Variants in KNCN observed in about 807,000 individuals in gnomAD.
KNCN encodes the protein kinocilin.
KNCN carries 11 observed loss-of-function variants against 10.4 expected under a neutral mutation model. The observed-to-expected ratio is 1.06, with a 90% confidence interval of 0.67 to 1.75. The LOEUF is 1.75. Ranked by LOEUF, KNCN falls within the 40% of genes most tolerant of loss-of-function variation. The pLI is 0.00. For synonymous variants in KNCN, 67 were observed against 71.6 expected (o/e 0.94, Z 0.33); for missense variants, 172 against 167.1 (o/e 1.03, Z -0.16).
At chr1:46,550,415 TG>T (rs1298758575) in intron 1 of KNCN, among the ~76,000 whole-genome samples, 4 of 152,196 alleles carry the variant, frequency 2.6e-5, no homozygotes, top group African/African-American at 9.6e-5. Flanking sequence ...GAGCCAGTCC[TG>T]CCTTGCCCGC....
At chr1:46,549,034 G>C (rs746328102) in intron 3 of KNCN, among the ~76,000 whole-genome samples, 159 bp downstream of exon 3, 2 of 152,024 alleles carry the variant, frequency 1.3e-5, no homozygotes, top group African/African-American at 2.4e-5. Flanking sequence ...CCAGCTGCTC[G>C]GGAGGCTGAG....
Position 46,551,162 on chromosome 1 carries a change from C to G in KNCN, c.54G>C (p.Val18=). ...RDFRGLQLAC[V]ALGLVAGSII... ...TGCTGCCAGCCACCAGCCCGAGAGCCACGCAGGCCAGCTGCAGGCCGCGGA... is the reference window on the plus strand; with the variant it reads ...TGCTGCCAGCCACCAGCCCGAGAGCGACGCAGGCCAGCTGCAGGCCGCGGA... The change falls in exon 1 of 4, where the codon GTG becomes GTC. Residue 18 remains valine, a synonymous_variant. Transcript: ENST00000481882. The surrounding 1 kb of genome is among the most constrained non-coding windows in gnomAD (Gnocchi z 4.0). 6.2e-7 allele frequency: 1 copy of G among 1,611,100 alleles called. No individual in the cohort carries two copies. The highest frequency in any genetic ancestry group is 8.5e-7 in the Non-Finnish European group (1 of 1,178,684).
intron 2 of KNCN, chr1:46,549,674 A>G (rs938253112): frequency 1.7e-6 from 1 of 587,944 alleles, no homozygotes; most frequent in Non-Finnish European, 3.0e-6. Flanking sequence ...GGCTTTGGGG[A>G]GTCATAAAAT....
Position 46,547,313 on chromosome 1 carries a change from G to A in KNCN, c.*417C>T, listed in dbSNP as rs2148507050. 2 of 452,732 alleles carry A rather than the reference G, an allele frequency of 4.4e-6. No individual in the cohort carries two copies. Among genetic ancestry groups the A allele is most frequent in the Non-Finnish European group, 4.4e-6 (1 of 226,198 alleles). 28.0% of individuals were successfully genotyped at this position (452,732 alleles called of 1,614,324 possible). Reference sequence around the variant, plus strand: ...TGGAGGGTCCCTGTCTGTGGTTCTTGTGGGCCTGTGGTTCACTTCTGTAGC... The same window carrying A: ...TGGAGGGTCCCTGTCTGTGGTTCTTATGGGCCTGTGGTTCACTTCTGTAGC... On this transcript the variant is annotated 3_prime_UTR_variant, in exon 4 of 4. Coordinates refer to ENST00000481882, the MANE Select transcript of KNCN (RefSeq NM_001322255.2).
Position 46,549,918 on chromosome 1 carries a change from C to T in KNCN, c.220+16G>A. The T allele has an allele frequency of 6.4e-7, 1 of 1,550,548 alleles. No homozygotes were observed. The highest frequency in any genetic ancestry group is 8.7e-7 in the Non-Finnish European group (1 of 1,146,972). ...CCTTGGCAGAGGGGTCTGCTGGGGT[C>T]AGGGAGAGGCCTCACCTATGGTAGG... On this transcript the variant is annotated intron_variant, in intron 2 of 3. Coordinates refer to ENST00000481882, the MANE Select transcript of KNCN (RefSeq NM_001322255.2).
At chr1:46,549,485 T>G (rs1338260774) in intron 2 of KNCN, among the ~76,000 whole-genome samples, 2 of 151,598 alleles carry the variant, frequency 1.3e-5, no homozygotes, top group Non-Finnish European at 2.9e-5. Context: ...TTTAGGGAGG[T>G]GAGGTCCCGG....
chr1:46,551,137 T>G lies in KNCN; in HGVS notation c.79A>C (p.Ile27Leu). ...CVALGLVAGSIIIGISVSKAA... is the reference protein window; with the variant it reads ...CVALGLVAGSLIIGISVSKAA... ...TTGGATACGGAGATGCCGATAATGA[T>G]GCTGCCAGCCACCAGCCCGAGAGCC... The change falls in exon 1 of 4, where the codon ATC becomes CTC. Residue 27 changes from isoleucine to leucine, a missense_variant. By Grantham distance (5) the Ile-to-Leu change is conservative. Coordinates refer to ENST00000481882, the MANE Select transcript of KNCN (RefSeq NM_001322255.2). This position sits in a 1 kb window ranked among gnomAD's most constrained non-coding sequence, Gnocchi z 4.0. 1 of 1,611,468 alleles carries G rather than the reference T, an allele frequency of 6.2e-7. No individual in the cohort carries two copies. The highest frequency in any genetic ancestry group is 8.5e-7 in the Non-Finnish European group (1 of 1,178,792).
At position 46,546,685 on chromosome 1, in the gene KNCN, C is replaced by A. The variant is rs923161683; in HGVS notation, c.*1045G>T. The A allele has an allele frequency of 6.6e-6, 1 of 152,276 alleles. No homozygotes were observed. Among genetic ancestry groups the A allele is most frequent in the Non-Finnish European group, 1.5e-5 (1 of 68,080 alleles). 9.4% of individuals were successfully genotyped at this position (152,276 alleles called of 1,614,324 possible). The stretch of plus-strand genomic sequence containing the variant: ...GGGAAAGCCTAGGGAATTGTTTTTA[C>A]ATTAAATTGAATCCATTAACATTTA... On this transcript the variant is annotated 3_prime_UTR_variant, in exon 4 of 4. Coordinates refer to ENST00000481882, the MANE Select transcript of KNCN (RefSeq NM_001322255.2).
intron 3 of KNCN, 118 bp from the exon 4 acceptor site, chr1:46,547,927 G>T: frequency 1.5e-6 from 1 of 664,660 alleles, no homozygotes; most frequent in Non-Finnish European, 2.5e-6. Flanking sequence ...CCAGGGCAGA[G>T]CTGGGATAGA....
Position 46,546,937 on chromosome 1 carries a change from C to T in KNCN, c.*793G>A. 6.2e-6 allele frequency: 1 copy of T among 162,220 alleles called. No individual in the cohort carries two copies. The highest frequency in any genetic ancestry group is 1.4e-5 in the Non-Finnish European group (1 of 73,096). 10.0% of individuals were successfully genotyped at this position (162,220 alleles called of 1,614,324 possible). ...TAGGCAGACAGAAGCAGGGAGGGTG[C>T]TGGAGAACACAGGGCAAAGCTTGGA... On this transcript the variant is annotated 3_prime_UTR_variant, in exon 4 of 4. Transcript: ENST00000481882.
At chr1:46,550,117 G>A in intron 1 of KNCN, 115 bp from the exon 2 acceptor site, 1 of 1,529,162 alleles carries the variant, frequency 6.5e-7, no homozygotes, top group Non-Finnish European at 8.8e-7. Flanking sequence ...CATGGGAGGA[G>A]CACAGTGTGC....
At position 46,547,667 on chromosome 1, in the gene KNCN, A is replaced by C. The variant is rs763204145; in HGVS notation, c.*63T>G. Reference sequence around the variant, plus strand: ...TCCGGGTCTCCTAACCCAGGAGGGCACTGACATAGGGGCAGCAGGCAGGAT... The same window carrying C: ...TCCGGGTCTCCTAACCCAGGAGGGCCCTGACATAGGGGCAGCAGGCAGGAT... On this transcript the variant is annotated 3_prime_UTR_variant, in exon 4 of 4. Coordinates refer to ENST00000481882, the MANE Select transcript of KNCN (RefSeq NM_001322255.2). The C allele has an allele frequency of 7.8e-7, 1 of 1,288,140 alleles. No homozygotes were observed. The highest frequency in any genetic ancestry group is 1.5e-5 in the African/African-American group (1 of 67,972). 79.8% of individuals were successfully genotyped at this position (1,288,140 alleles called of 1,614,324 possible). A position where few individuals can be genotyped will look rare whatever the true frequency, so the allele number is the denominator to read the frequency against.
At chr1:46,550,424 C>A (rs1343265484) in intron 1 of KNCN, among the ~76,000 whole-genome samples, 1 of 152,138 alleles carries the variant, frequency 6.6e-6, no homozygotes, top group Admixed American at 6.5e-5. Flanking sequence ...CTGCCTTGCC[C>A]GCCCCCGCTC....
In KNCN at chr1:46,547,531, C is replaced by G. The variant is rs113453992; in HGVS notation, c.*199G>C. On this transcript the variant is annotated 3_prime_UTR_variant, in exon 4 of 4. Transcript: ENST00000481882. ...CGACACCTTGCTCCAGGTCCCAGCC[C>G]ACACCAGTGGAATCCATTTTGGAGA... 1 of 706,048 alleles carries G rather than the reference C, an allele frequency of 1.4e-6. No homozygotes were observed. The highest frequency in any genetic ancestry group is 2.6e-6 in the Non-Finnish European group (1 of 384,612). The allele number at this position is 706,048 out of a possible 1,614,324, so 43.7% of individuals were successfully genotyped here. A position where few individuals can be genotyped will look rare whatever the true frequency, so the allele number is the denominator to read the frequency against.
rs901082933 is a variant in KNCN at position 46,550,526 on chromosome 1, C to T, written c.152-524G>A. On this transcript the variant is annotated intron_variant, in intron 1 of 3. Transcript: ENST00000481882. ...CTTCTGGTCCTGCCTTTGGCCTGGG[C>T]GGGGGCGGGGGGTGGGGTGAGGTGA... Among the ~76,000 whole-genome samples the T allele has an allele frequency of 2.9e-4, 38 of 132,240 alleles. 1 individual carries two copies. The highest frequency in any genetic ancestry group is 8.8e-4 in the African/African-American group (31 of 35,122). The allele number at this position is 132,240 out of a possible 152,430, so 86.8% of individuals were successfully genotyped here. A position where few individuals can be genotyped will look rare whatever the true frequency, so the allele number is the denominator to read the frequency against.
chr1:46,549,332 G>T, intron 2 of KNCN, 65 bp from the exon 3 acceptor site: 1 of 1,232,942 alleles, frequency 8.1e-7, no homozygotes, highest in Non-Finnish European at 1.1e-6. Flanking sequence ...AGCCTAGGTT[G>T]GGAAGGGAAG....
chr1:46,549,034 G>A (rs746328102), intron 3 of KNCN, among the ~76,000 whole-genome samples, 159 bp downstream of exon 3: 2 of 152,142 alleles, frequency 1.3e-5, no homozygotes, highest in East Asian at 1.9e-4. Context: ...CCAGCTGCTC[G>A]GGAGGCTGAG....
intron 2 of KNCN, 113 bp downstream of exon 2, chr1:46,549,821 G>A (rs1037949148): frequency 1.2e-5 from 18 of 1,529,204 alleles, no homozygotes; most frequent in African/African-American, 4.1e-5. Context: ...GACAGCTAGC[G>A]CGGTCTCACA....
At chr1:46,549,769 C>A in intron 2 of KNCN, 165 bp downstream of exon 2, 2 of 1,307,298 alleles carry the variant, frequency 1.5e-6, no homozygotes, top group Non-Finnish European at 2.1e-6. Context: ...GTAGTCATGG[C>A]AACGCCTGCA....
Sources: gnomAD v4.1 joint callset for allele counts (sites outside exome capture counted in the v4.1 genomes callset) on GRCh38, gnomAD v4.1.1 for gene constraint, Gnocchi (gnomAD v3.1) non-coding constraint, MANE v1.5 for transcripts, NCBI Gene and HGNC (gene_info 2026-07-23, HGNC 2026-07-21) for gene names.